The following INTS13 variants were observed in gnomAD, a reference collection of about 807,000 sequenced individuals.
The protein encoded by INTS13 is integrator complex subunit 13.
In INTS13, 35 loss-of-function variants were observed where a neutral mutation model predicts 90.2. The observed-to-expected ratio is 0.39, with a 90% CI of 0.30 to 0.51. The LOEUF is 0.51. INTS13 is among the 20% of genes least tolerant of loss of function. The pLI, the probability that INTS13 is intolerant of heterozygous loss-of-function variation, is 0.80. For missense variants in INTS13, 601 were observed against 851.2 expected (o/e 0.71, Z 3.66); for synonymous variants, 309 against 277.1 (o/e 1.11, Z -1.14).
At chr12:26,936,849 T>G in intron 1 of INTS13, 35 bp from the exon 2 acceptor site, 12 of 1,326,432 alleles carry the variant, frequency 9.0e-6, no homozygotes, top group Non-Finnish European at 1.3e-5. Context: ...CAAATATTTG[T>G]ACATAACATC....
chr12:26,924,167 T>A (rs1937736884), intron 7 of INTS13, among the ~76,000 whole-genome samples, 188 bp downstream of exon 7: 1 of 152,174 alleles, frequency 6.6e-6, no homozygotes, highest in South Asian at 2.1e-4. Flanking sequence ...TTATTTATTT[T>A]TTTAATATTG....
At chr12:26,911,370 T>C in intron 14 of INTS13, 53 bp from the exon 15 acceptor site, 2 of 1,490,086 alleles carry the variant, frequency 1.3e-6, no homozygotes, top group Non-Finnish European at 1.8e-6. Flanking sequence ...AGAAGTCTAA[T>C]GGTCTAATAA....
Position 26,914,113 on chromosome 12 carries a change from T to C in INTS13, c.1435A>G (p.Ser479Gly). The change falls in exon 13 of 17, where the codon AGT (serine) becomes GGT (glycine). Residue 479 changes from serine to glycine, a missense_variant. Physicochemically the swap from Ser to Gly is moderately conservative, Grantham distance 56. Around this residue, in one of 3 missense-constraint regions of INTS13, gnomAD observed 228 missense variants for 272.5 expected, o/e 0.84. Coordinates refer to ENST00000261191, the MANE Select transcript of INTS13 (RefSeq NM_018164.3). ...GTCAGAGATTCTTTCACAATAACAC[T>C]GGCTAATGGAACTACCTGTTAGATT... ...FNMQAVVPLA[S>G]VIVKESLTEE... 6.3e-7 allele frequency: 1 copy of C among 1,588,962 alleles called. No individual in the cohort carries two copies. Among genetic ancestry groups the C allele is most frequent in the African/African-American group, 1.4e-5 (1 of 73,594 alleles).
At chr12:26,933,627 G>C (rs1270910968) in intron 3 of INTS13, among the ~76,000 whole-genome samples, 1 of 152,102 alleles carries the variant, frequency 6.6e-6, no homozygotes, top group African/African-American at 2.4e-5. Context: ...AAGAAAAAGA[G>C]AGGAAAAAAA....
Position 26,914,590 on chromosome 12 carries a change from C to A in INTS13, c.1249-12G>T, listed in dbSNP as rs1261140007. ...AATTCACCAAAATCCTAATGATAAC[C>A]AAATAAGATAAAATTAGAAACTATG... On this transcript the variant is annotated splice_polypyrimidine_tract_variant and intron_variant, in intron 11 of 16. Transcript: ENST00000261191. 1.3e-6 allele frequency: 2 copies of A among 1,588,684 alleles called. No individual in the cohort carries two copies. Among genetic ancestry groups the A allele is most frequent in the South Asian group, 1.1e-5 (1 of 89,254 alleles).
chr12:26,918,006 C>T (rs1212257170), intron 8 of INTS13, among the ~76,000 whole-genome samples: 2 of 152,024 alleles, frequency 1.3e-5, no homozygotes, highest in Non-Finnish European at 2.9e-5. Context: ...CCTGTAATCC[C>T]AGCTATTCGG....
chr12:26,922,779 TTTTG>T, intron 7 of INTS13, 79 bp from the exon 8 acceptor site: 1 of 891,254 alleles, frequency 1.1e-6, no homozygotes, highest in Non-Finnish European at 1.7e-6. Context: ...TTCATTTGCT[TTTTG>T]TTTAAAATGA....
chr12:26,937,506 T>C (rs1189403347), intron 1 of INTS13, among the ~76,000 whole-genome samples: 2 of 152,184 alleles, frequency 1.3e-5, no homozygotes, highest in Non-Finnish European at 2.9e-5. Flanking sequence ...TTTTAAAACT[T>C]TTTCTTATTA....
chr12:26,920,699 T>C (rs949783881), intron 8 of INTS13, among the ~76,000 whole-genome samples: 5 of 152,204 alleles, frequency 3.3e-5, no homozygotes, highest in African/African-American at 1.2e-4. Flanking sequence ...GGCCCATTTT[T>C]GTAAGTTTTT....
Position 26,922,601 on chromosome 12 carries a change from T to C in INTS13, c.889+15A>G. On this transcript the variant is annotated intron_variant, in intron 8 of 16. Transcript: ENST00000261191. The stretch of plus-strand genomic sequence containing the variant: ...TGTTAGATCATACAAAATAATACTT[T>C]CAAATGTCTCTTACCACTTTTCAGG... 6.4e-7 allele frequency: 1 copy of C among 1,568,678 alleles called. No individual in the cohort carries two copies. Among genetic ancestry groups the C allele is most frequent in the Non-Finnish European group, 8.7e-7 (1 of 1,151,302 alleles).
intron 14 of INTS13, among the ~76,000 whole-genome samples, chr12:26,911,549 G>A (rs535420616): frequency 6.6e-6 from 1 of 151,842 alleles, no homozygotes; most frequent in East Asian, 1.9e-4. Flanking sequence ...GGAATTAGCT[G>A]TAAAATATAA....
chr12:26,906,742 A>G (rs767847279), intron 15 of INTS13, among the ~76,000 whole-genome samples: 1 of 152,244 alleles, frequency 6.6e-6, no homozygotes, highest in Non-Finnish European at 1.5e-5. Flanking sequence ...ACACAGCCAG[A>G]TCGGTAAGCA....
In INTS13 at chr12:26,906,423, A is replaced by G; in HGVS notation, c.1960T>C (p.Leu654=). 1 of 1,610,334 alleles carries G rather than the reference A, an allele frequency of 6.2e-7. No individual in the cohort carries two copies. Among genetic ancestry groups the G allele is most frequent in the Non-Finnish European group, 8.5e-7 (1 of 1,178,272 alleles). ...VEKSKGPVSL[L]SLWSNRINTA... ...TTGATTCTATTACTCCACAAGGATAATAACGACACTGGCCCTAGTGTTATA... is the reference window on the plus strand; with the variant it reads ...TTGATTCTATTACTCCACAAGGATAGTAACGACACTGGCCCTAGTGTTATA... Residue 654 remains leucine, a synonymous_variant, in exon 16 of 17, where the codon TTA becomes CTA. Coordinates refer to ENST00000261191, the MANE Select transcript of INTS13 (RefSeq NM_018164.3).
chr12:26,914,728 T>G (rs1428498971), intron 11 of INTS13, 150 bp from the exon 12 acceptor site: 3 of 554,688 alleles, frequency 5.4e-6, no homozygotes, highest in Non-Finnish European at 9.1e-6. Flanking sequence ...CACTACTTTT[T>G]TATCCTTTCT....
intron 8 of INTS13, among the ~76,000 whole-genome samples, chr12:26,919,298 A>C (rs1284768258): frequency 6.6e-6 from 1 of 152,210 alleles, no homozygotes; most frequent in African/African-American, 2.4e-5. Flanking sequence ...TGTGTGGCTG[A>C]AACAGAGAAG....
chr12:26,938,321 C>G (rs1414022473), upstream of INTS13: 1 of 152,202 alleles, frequency 6.6e-6, no homozygotes, highest in African/African-American at 2.4e-5. Context: ...TGGAAAAACT[C>G]GCGAGACTTT....
intron 8 of INTS13, among the ~76,000 whole-genome samples, chr12:26,920,987 T>C (rs1424831106): frequency 6.6e-6 from 1 of 152,218 alleles, no homozygotes; most frequent in East Asian, 1.9e-4. Context: ...TAGAAAACAT[T>C]CTAAAGAATT....
At position 26,928,364 on chromosome 12, in the gene INTS13, T is replaced by C. The variant is rs942398654; in HGVS notation, c.504-79A>G. The C allele has an allele frequency of 1.7e-5, 19 of 1,117,752 alleles. No individual in the cohort carries two copies. In the African/African-American group the frequency reaches 2.6e-4, roughly 15 times the overall value. The allele number at this position is 1,117,752 out of a possible 1,614,324, so 69.2% of individuals were successfully genotyped here. ...AATTCAAAACACTCTTCCGCTTTAA[T>C]ATGGTGTTATAGACATTTAAAGTTA... is the stretch of plus-strand genomic sequence containing the variant. On this transcript the variant is annotated intron_variant, in intron 4 of 16. Coordinates refer to ENST00000261191, the MANE Select transcript of INTS13 (RefSeq NM_018164.3).
rs530968671 is a variant in INTS13, at chr12:26,928,374, T to C, written c.504-89A>G. The C allele has an allele frequency of 6.7e-5, 71 of 1,055,090 alleles. 1 individual carries two copies. In the Middle Eastern group the frequency reaches 4.7e-3, roughly 70 times the overall value. 65.4% of individuals were successfully genotyped at this position (1,055,090 alleles called of 1,614,324 possible). On this transcript the variant is annotated intron_variant, in intron 4 of 16. Coordinates refer to ENST00000261191, the MANE Select transcript of INTS13 (RefSeq NM_018164.3). Reference sequence around the variant, plus strand: ...ACTCTTCCGCTTTAATATGGTGTTATAGACATTTAAAGTTACTTCACTAAG... The same window carrying C: ...ACTCTTCCGCTTTAATATGGTGTTACAGACATTTAAAGTTACTTCACTAAG...
Sources: allele counts gnomAD v4.1 joint callset (sites outside exome capture counted in the v4.1 genomes callset), GRCh38; gene constraint gnomAD v4.1.1; regional missense constraint gnomAD v4.1.1; transcripts MANE v1.5; gene names NCBI Gene and HGNC (gene_info 2026-07-23, HGNC 2026-07-21).